The following NUAK1 variants were observed in gnomAD, a reference collection of about 807,000 sequenced individuals.
The protein encoded by NUAK1 is NUAK family kinase 1.
A neutral mutation model predicts 56.9 loss-of-function variants in NUAK1; 26 were observed. That is an observed-to-expected ratio of 0.46 (90% CI 0.33 to 0.63). NUAK1 has a LOEUF of 0.63. Among genes scored for constraint, NUAK1 ranks in the 30% least tolerant of loss-of-function variants. The pLI, the probability that NUAK1 is intolerant of heterozygous loss-of-function variation, is 0.02. For missense variants in NUAK1, 727 were observed against 876.1 expected (o/e 0.83, Z 2.15); for synonymous variants, 337 against 336.0 (o/e 1.00, Z -0.03).
rs1027960397 is a variant in NUAK1, at chr12:106,076,004, CT to C, written c.580-3162del. On this transcript the variant is annotated intron_variant, in intron 4 of 6. Coordinates refer to ENST00000261402, the MANE Select transcript of NUAK1 (RefSeq NM_014840.3). Reference sequence around the variant, plus strand: ...CACTTAAGGTAATTATTTAGGGCTTCTTTTTCAAATAGACAGAACTTTAAAA... The same window carrying C: ...CACTTAAGGTAATTATTTAGGGCTTCTTTTCAAATAGACAGAACTTTAAAA... Among the ~76,000 whole-genome samples, 25 of 152,168 alleles carry C rather than the reference CT, an allele frequency of 1.6e-4. 1 individual carries two copies. The highest frequency in any genetic ancestry group is 5.8e-4 in the African/African-American group (24 of 41,432).
intron 2 of NUAK1, among the ~76,000 whole-genome samples, chr12:106,094,616 T>C (rs1235731853): frequency 6.6e-6 from 1 of 152,224 alleles, no homozygotes; most frequent in Admixed American, 6.5e-5. Flanking sequence ...AGTTCCTGGT[T>C]TGCACAACAA....
At position 106,064,191 on chromosome 12, in the gene NUAK1, G is replaced by A. The variant is rs1361732829; in HGVS notation, c.*2611C>T. ...TTGACTGGGATTGGCTGGTAGGGAT[G>A]ACAGGACTTAATGATGAAGCAGGGA... On this transcript the variant is annotated 3_prime_UTR_variant, in exon 7 of 7. Transcript: ENST00000261402. The A allele has an allele frequency of 6.6e-6, 1 of 152,570 alleles. No individual in the cohort carries two copies. Among genetic ancestry groups the A allele is most frequent in the Non-Finnish European group, 1.5e-5 (1 of 68,066 alleles). 9.5% of individuals were successfully genotyped at this position (152,570 alleles called of 1,614,324 possible).
rs141061789 is a variant in NUAK1, at chr12:106,079,730, T to G, written c.579+4134A>C. ...TCTTCACTGCCAGCCAATTACATTA[T>G]GTGTTTATTTGTTTACTGCTGTGTC... On this transcript the variant is annotated intron_variant, in intron 4 of 6. Transcript: ENST00000261402. 1.2e-4 allele frequency among the ~76,000 whole-genome samples: 19 copies of G among 152,346 alleles called. No individual in the cohort carries two copies. In the East Asian group the frequency reaches 3.5e-3, roughly 28 times the overall value.
intron 6 of NUAK1, among the ~76,000 whole-genome samples, chr12:106,069,747 C>A (rs181937496): frequency 6.6e-6 from 1 of 152,086 alleles, no homozygotes; most frequent in African/African-American, 2.4e-5. Flanking sequence ...TAGAACATAA[C>A]TACTATGAAT....
chr12:106,088,735 T>C (rs1303110028), intron 2 of NUAK1, among the ~76,000 whole-genome samples: 1 of 152,346 alleles, frequency 6.6e-6, no homozygotes, highest in Middle Eastern at 3.4e-3. Flanking sequence ...TAGCTATTAT[T>C]GTTGCTATCA....
rs564856154 is a variant in NUAK1, at chr12:106,138,005, G to C, written c.240+409C>G. Among the ~76,000 whole-genome samples, 155 of 152,264 alleles carry C rather than the reference G, an allele frequency of 1.0e-3. 2 individuals are homozygous for C. The highest frequency in any genetic ancestry group is 9.2e-3 in the Admixed American group (141 of 15,298). ...CACCTACAAAACACCGGACTTGAGG[G>C]GCTAGCTCCTAGCTGGGAATGTGGT... is the stretch of plus-strand genomic sequence containing the variant. On this transcript the variant is annotated intron_variant, in intron 1 of 6. Transcript: ENST00000261402. The surrounding 1 kb of genome is among the most constrained non-coding windows in gnomAD (Gnocchi z 5.0).
intron 1 of NUAK1, among the ~76,000 whole-genome samples, chr12:106,122,957 C>T (rs2032992607): frequency 6.6e-6 from 1 of 152,170 alleles, no homozygotes; most frequent in Admixed American, 6.5e-5. Context: ...CCCAGAGCCT[C>T]GCATAACGCC....
chr12:106,116,060 C>T (rs56027035), intron 1 of NUAK1, among the ~76,000 whole-genome samples: 9,321 of 152,302 alleles, frequency 0.061, 336 homozygotes, highest in Non-Finnish European at 0.072. Context: ...TATAACCTCG[C>T]TCACCATTGC....
At chr12:106,079,099 C>T (rs560008716) in intron 4 of NUAK1, among the ~76,000 whole-genome samples, 1 of 152,216 alleles carries the variant, frequency 6.6e-6, no homozygotes, top group Non-Finnish European at 1.5e-5. Context: ...AGTCCCATCA[C>T]TTATTAGCTG....
intron 4 of NUAK1, among the ~76,000 whole-genome samples, chr12:106,075,842 T>C (rs571950416): frequency 1.2e-4 from 19 of 152,376 alleles, no homozygotes; most frequent in African/African-American, 4.6e-4. Context: ...CTCTTTAGCA[T>C]TTATCAAAGA....
rs931939942 is a variant in NUAK1, at chr12:106,066,027, A to T, written c.*775T>A. Reference sequence around the variant, plus strand: ...TGGGCTGACTCTATGTCCTTAGCAGAGTTCAGAGCATTCTCTCTCTGACCA... The same window carrying T: ...TGGGCTGACTCTATGTCCTTAGCAGTGTTCAGAGCATTCTCTCTCTGACCA... On this transcript the variant is annotated 3_prime_UTR_variant, in exon 7 of 7. Transcript: ENST00000261402. 1.4e-4 allele frequency: 22 copies of T among 152,252 alleles called. No homozygotes were observed. Among genetic ancestry groups the T allele is most frequent in the African/African-American group, 5.1e-4 (21 of 41,454 alleles). 9.4% of individuals were successfully genotyped at this position (152,252 alleles called of 1,614,324 possible).
At chr12:106,088,039 T>C (rs2032592827) in intron 2 of NUAK1, among the ~76,000 whole-genome samples, 1 of 152,184 alleles carries the variant, frequency 6.6e-6, no homozygotes. Flanking sequence ...TTCTACCCAA[T>C]GCTGATGCTC....
At chr12:106,110,473 A>T (rs2032847446) in intron 1 of NUAK1, among the ~76,000 whole-genome samples, 3 of 152,178 alleles carry the variant, frequency 2.0e-5, no homozygotes, top group African/African-American at 7.2e-5. Context: ...ATGCACAGAC[A>T]TGCCCGGCAT....
intron 1 of NUAK1, among the ~76,000 whole-genome samples, chr12:106,125,304 G>A (rs1395324271): frequency 7.9e-5 from 12 of 152,172 alleles, no homozygotes; most frequent in African/African-American, 1.7e-4. Flanking sequence ...GACATAGAAC[G>A]ACTGGGATCA....
intron 2 of NUAK1, among the ~76,000 whole-genome samples, chr12:106,092,236 T>C (rs1251277887): frequency 1.3e-5 from 2 of 151,822 alleles, no homozygotes; most frequent in Non-Finnish European, 2.9e-5. Context: ...ACTGGAGTCA[T>C]AGCCGGGCGT....
At chr12:106,110,284 T>C (rs543008454) in intron 1 of NUAK1, among the ~76,000 whole-genome samples, 63 of 152,324 alleles carry the variant, frequency 4.1e-4, no homozygotes, top group South Asian at 1.0e-3. Flanking sequence ...CTTTATGAAA[T>C]TTGACTGTTC....
intron 3 of NUAK1, among the ~76,000 whole-genome samples, chr12:106,085,293 T>C (rs897520469): frequency 1.3e-5 from 2 of 152,248 alleles, no homozygotes; most frequent in African/African-American, 4.8e-5. Flanking sequence ...TACCTCATGA[T>C]GAAATACAAA....
chr12:106,098,187 C>T (rs1311364943), intron 2 of NUAK1, among the ~76,000 whole-genome samples: 1 of 152,162 alleles, frequency 6.6e-6, no homozygotes, highest in Admixed American at 6.5e-5. Context: ...TCTCAGGGAG[C>T]ACAGGTAGCT....
intron 2 of NUAK1, among the ~76,000 whole-genome samples, chr12:106,104,944 T>C (rs1388307373): frequency 6.6e-6 from 1 of 151,286 alleles, no homozygotes; most frequent in Non-Finnish European, 1.5e-5. Context: ...GAATTAAAAA[T>C]AAGTTCATTT....
Sources: gnomAD v4.1 joint callset for allele counts (sites outside exome capture counted in the v4.1 genomes callset) on GRCh38, gnomAD v4.1.1 for gene constraint, Gnocchi (gnomAD v3.1) non-coding constraint, MANE v1.5 for transcripts, NCBI Gene and HGNC (gene_info 2026-07-23, HGNC 2026-07-21) for gene names.